Variants in RGS7BP observed in about 807,000 individuals in gnomAD.
The protein encoded by RGS7BP is regulator of G protein signaling 7 binding protein, also known as regulator of G protein signaling 7-binding protein.
Under a neutral mutation model 31.3 loss-of-function variants are expected in RGS7BP, and 9 were observed. The ratio of observed to expected loss-of-function variants is 0.29; its 90% CI spans 0.17 to 0.50. The LOEUF (loss-of-function observed/expected upper bound fraction) is 0.50, where lower values mean the gene tolerates loss of function less well. Among genes scored for constraint, RGS7BP ranks in the 20% least tolerant of loss-of-function variants. RGS7BP has a pLI of 0.98. For synonymous variants in RGS7BP, 115 were observed against 120.1 expected (o/e 0.96, Z 0.28); for missense variants, 274 against 322.0 (o/e 0.85, Z 1.14).
In RGS7BP at chr5:64,565,476, T is replaced by C. The variant is rs1412315485; in HGVS notation, c.333-10298T>C. On this transcript the variant is annotated intron_variant, in intron 2 of 5. Transcript: ENST00000334025. The stretch of plus-strand genomic sequence containing the variant: ...CCCTTTCTACGTATCTGCATAAAAG[T>C]TCTGTTTATACGTATTATTTTTTAT... 3.3e-5 allele frequency among the ~76,000 whole-genome samples: 5 copies of C among 152,104 alleles called. No individual in the cohort carries two copies. The East Asian group carries it at 9.6e-4, about 29-fold the overall frequency.
At chr5:64,555,439 T>C (rs147156654) in intron 2 of RGS7BP, among the ~76,000 whole-genome samples, 3 of 152,292 alleles carry the variant, frequency 2.0e-5, no homozygotes, top group African/African-American at 7.2e-5. Context: ...TGACTAAAGT[T>C]TTTTTAACCT....
intron 5 of RGS7BP, among the ~76,000 whole-genome samples, chr5:64,606,315 T>C (rs1055531062): frequency 4.4e-4 from 2 of 4,592 alleles, no homozygotes; most frequent in Admixed American, 6.8e-3. Flanking sequence ...TATTTCCTCA[T>C]GTAAGAGGAG....
intron 2 of RGS7BP, among the ~76,000 whole-genome samples, chr5:64,540,973 C>T (rs961496711): frequency 3.3e-5 from 5 of 152,106 alleles, no homozygotes; most frequent in Admixed American, 1.3e-4. Context: ...CTGGAGAGCT[C>T]GGTGTTGGCA....
At chr5:64,551,509 G>A (rs1295171532) in intron 2 of RGS7BP, among the ~76,000 whole-genome samples, 9 of 151,468 alleles carry the variant, frequency 5.9e-5, no homozygotes, top group Admixed American at 2.0e-4. Flanking sequence ...GCCATCAGCC[G>A]GCCTTAGCCT....
intron 1 of RGS7BP, among the ~76,000 whole-genome samples, chr5:64,507,007 G>C (rs1473461071): frequency 6.6e-6 from 1 of 152,166 alleles, no homozygotes; most frequent in Non-Finnish European, 1.5e-5. Context: ...GTGACAGCAA[G>C]GGTCTTGGGG....
intron 2 of RGS7BP, among the ~76,000 whole-genome samples, chr5:64,538,345 C>T (rs925526937): frequency 2.0e-5 from 3 of 151,926 alleles, no homozygotes; most frequent in African/African-American, 4.8e-5. Flanking sequence ...CTCATGTTGC[C>T]ACTTCATAGT....
At position 64,506,453 on chromosome 5, in the gene RGS7BP, C is replaced by A; in HGVS notation, c.-172C>A. On this transcript the variant is annotated 5_prime_UTR_variant, in exon 1 of 6. Transcript: ENST00000334025. This position sits in a 1 kb window ranked among gnomAD's most constrained non-coding sequence, Gnocchi z 4.6. ...CTGCACGGCACAGCTAGCGCTTCCC[C>A]GGCTCTCCTTCAAGCTGAAGGTTAC... 1 of 487,132 alleles carries A rather than the reference C, an allele frequency of 2.1e-6. No homozygotes were observed. The highest frequency in any genetic ancestry group is 4.1e-5 in the South Asian group (1 of 24,424). 30.2% of individuals were successfully genotyped at this position (487,132 alleles called of 1,614,324 possible).
At chr5:64,516,443 T>G (rs1308630180) in intron 2 of RGS7BP, among the ~76,000 whole-genome samples, 1 of 152,182 alleles carries the variant, frequency 6.6e-6, no homozygotes, top group Admixed American at 6.5e-5. Context: ...GCTGTTGTAG[T>G]ACGTCCTAAT....
intron 2 of RGS7BP, among the ~76,000 whole-genome samples, chr5:64,545,836 G>A (rs1307733960): frequency 1.3e-5 from 2 of 152,162 alleles, no homozygotes; most frequent in African/African-American, 4.8e-5. Flanking sequence ...TGGGGAACTT[G>A]TGAGAAATCA....
At chr5:64,564,130 G>T (rs1230420725) in intron 2 of RGS7BP, among the ~76,000 whole-genome samples, 1 of 152,112 alleles carries the variant, frequency 6.6e-6, no homozygotes, top group Non-Finnish European at 1.5e-5. Context: ...TAAAGCAAAT[G>T]ACCTAGAAAA....
At chr5:64,556,460 CAA>C (rs1438872921) in intron 2 of RGS7BP, among the ~76,000 whole-genome samples, 4 of 130,406 alleles carry the variant, frequency 3.1e-5, no homozygotes, top group African/African-American at 5.8e-5. Context: ...CACACACACA[CAA>C]AATTGGCTTC....
Position 64,575,878 on chromosome 5 carries a change from T to C in RGS7BP, c.437T>C (p.Leu146Pro), listed in dbSNP as rs769496913. The change falls in exon 3 of 6, where the codon CTG (leucine) becomes CCG (proline). Residue 146 changes from leucine to proline, a missense_variant. By Grantham distance (98) the Leu-to-Pro change is moderately conservative. Around this residue, in one of 3 missense-constraint regions of RGS7BP, gnomAD observed 112 missense variants for 130.9 expected, o/e 0.86. Coordinates refer to ENST00000334025, the MANE Select transcript of RGS7BP (RefSeq NM_001029875.3). ...TTEMLKSICLLGSLQFHRKGK... is the reference protein window; with the variant it reads ...TTEMLKSICLPGSLQFHRKGK... ...GAGATGCTAAAATCCATATGTCTGC[T>C]GGGGTCTCTTCAGTTTCATCGAAAA... is the stretch of plus-strand genomic sequence containing the variant. The C allele has an allele frequency of 5.0e-6, 8 of 1,612,878 alleles. No homozygotes were observed. Among genetic ancestry groups the C allele is most frequent in the African/African-American group, 1.3e-5 (1 of 74,838 alleles).
intron 2 of RGS7BP, among the ~76,000 whole-genome samples, chr5:64,568,266 G>A (rs1192481693): frequency 6.6e-6 from 1 of 152,056 alleles, no homozygotes; most frequent in Non-Finnish European, 1.5e-5. Context: ...TCGCAGGCCT[G>A]TCTCTGCTAG....
At chr5:64,514,191 CATA>C (rs1443225851) in intron 2 of RGS7BP, among the ~76,000 whole-genome samples, 1 of 152,148 alleles carries the variant, frequency 6.6e-6, no homozygotes, top group East Asian at 1.9e-4. Flanking sequence ...GGACAGTAGT[CATA>C]TTGAATTAGG....
At chr5:64,593,208 T>C (rs935916294) in intron 3 of RGS7BP, among the ~76,000 whole-genome samples, 14 of 152,338 alleles carry the variant, frequency 9.2e-5, no homozygotes, top group Middle Eastern at 3.4e-3. Flanking sequence ...GGTTCCACTA[T>C]AGGTTGGTGA....
intron 2 of RGS7BP, among the ~76,000 whole-genome samples, chr5:64,512,797 C>A (rs1217064252): frequency 6.6e-6 from 1 of 152,008 alleles, no homozygotes; most frequent in East Asian, 1.9e-4. Flanking sequence ...AGATGGCTAT[C>A]AAAAAGCCTG....
chr5:64,506,728 G>A lies in RGS7BP; in HGVS notation c.104G>A (p.Arg35His), dbSNP rs776685105. The A allele has an allele frequency of 6.2e-6, 10 of 1,607,890 alleles. No individual in the cohort carries two copies. The East Asian group carries it at 1.6e-4, about 25-fold the overall frequency. The change falls in exon 1 of 6, where the codon CGC becomes CAC. Residue 35 changes from arginine (R) to histidine (H), a missense_variant. Arg to His is a conservative substitution (Grantham distance 29). Around this residue, in one of 3 missense-constraint regions of RGS7BP, gnomAD observed 149 missense variants for 152.6 expected, o/e 0.98. Coordinates refer to ENST00000334025, the MANE Select transcript of RGS7BP (RefSeq NM_001029875.3). The surrounding 1 kb of genome is among the most constrained non-coding windows in gnomAD (Gnocchi z 4.6). ...CCGCTGCAGAGCGGAGATTGGGAGC[G>A]CAGGGGCAGCGGCTCCGAGAGCGCC... The part of the protein sequence containing the change: ...KPPLQSGDWE[R>H]RGSGSESAHK...
intron 2 of RGS7BP, among the ~76,000 whole-genome samples, chr5:64,573,066 G>T (rs1197082080): frequency 6.8e-6 from 1 of 146,820 alleles, no homozygotes; most frequent in Non-Finnish European, 1.5e-5. Flanking sequence ...AGAACATACG[G>T]TGTTTGGTTT....
chr5:64,590,398 G>A (rs184429138), intron 3 of RGS7BP, among the ~76,000 whole-genome samples: 2 of 152,160 alleles, frequency 1.3e-5, no homozygotes, highest in East Asian at 3.9e-4. Flanking sequence ...AAGAAAAAGT[G>A]GTATACAAAG....
Sources: gnomAD v4.1 joint callset for allele counts (sites outside exome capture counted in the v4.1 genomes callset) on GRCh38, gnomAD v4.1.1 for gene constraint, gnomAD v4.1.1 regional missense constraint, Gnocchi (gnomAD v3.1) non-coding constraint, MANE v1.5 for transcripts, NCBI Gene and HGNC (gene_info 2026-07-23, HGNC 2026-07-21) for gene names.